The following PCDHGB2 variants were observed in gnomAD, a reference collection of about 807,000 sequenced individuals.
The protein encoded by PCDHGB2 is protocadherin gamma subfamily B, 2.
In PCDHGB2, 55 loss-of-function variants were observed where a neutral mutation model predicts 59.3. The observed-to-expected ratio is 0.93, with a 90% CI of 0.75 to 1.16. PCDHGB2 has a LOEUF of 1.16. Ranked by LOEUF, PCDHGB2 falls within the 50% of genes most tolerant of loss-of-function variation. The pLI is 0.00. For synonymous variants in PCDHGB2, 516 were observed against 512.0 expected (o/e 1.01, Z -0.11); for missense variants, 1,228 against 1,198.5 (o/e 1.02, Z -0.36).
In PCDHGB2 at chr5:141,473,538, T is replaced by C. The variant is rs544537855; in HGVS notation, c.2422-21269T>C. Among the ~76,000 whole-genome samples, 58 of 152,328 alleles carry C rather than the reference T, an allele frequency of 3.8e-4. 1 individual carries two copies. Among genetic ancestry groups the C allele is most frequent in the African/African-American group, 1.3e-3 (55 of 41,576 alleles). Reference sequence around the variant, plus strand: ...AAGGATCCTGGTTTTAACTGGGGCCTAATGGAAGACCTCTATTAGGAAATA... The same window carrying C: ...AAGGATCCTGGTTTTAACTGGGGCCCAATGGAAGACCTCTATTAGGAAATA... On this transcript the variant is annotated intron_variant, in intron 1 of 3. Coordinates refer to ENST00000522605, the MANE Select transcript of PCDHGB2 (RefSeq NM_018923.3).
intron 1 of PCDHGB2, among the ~76,000 whole-genome samples, chr5:141,380,336 G>C (rs1221282125): frequency 6.6e-6 from 1 of 152,060 alleles, no homozygotes; most frequent in Non-Finnish European, 1.5e-5. Flanking sequence ...GAACTTCAAA[G>C]AACTGTTTTG....
chr5:141,447,329 G>A (rs1328071539), intron 1 of PCDHGB2, among the ~76,000 whole-genome samples: 6 of 151,732 alleles, frequency 4.0e-5, no homozygotes, highest in Admixed American at 1.3e-4. Context: ...TAGTAGAGAC[G>A]GGTTTCATCA....
chr5:141,392,101 C>G (rs1234202076), intron 1 of PCDHGB2: 1 of 152,130 alleles, frequency 6.6e-6, no homozygotes, highest in Non-Finnish European at 1.5e-5. Context: ...AATTTAAAAG[C>G]AACAACTCTA....
chr5:141,361,964 A>G lies in PCDHGB2; in HGVS notation c.1829A>G (p.Gln610Arg). 3.7e-6 allele frequency: 6 copies of G among 1,602,142 alleles called. No homozygotes were observed. Among genetic ancestry groups the G allele is most frequent in the Non-Finnish European group, 5.1e-6 (6 of 1,176,558 alleles). The change falls in exon 1 of 4, where the codon CAG becomes CGG. Residue 610 changes from glutamine (Q) to arginine (R), a missense_variant. Transcript: ENST00000522605. The stretch of plus-strand genomic sequence containing the variant: ...GCTTGGCTGTCCTACCACGTGCTGC[A>G]GGCCAGCGAGCCCGGGCTCTTCAGC... Reference protein sequence around the residue: ...HNAWLSYHVLQASEPGLFSLG... With the variant: ...HNAWLSYHVLRASEPGLFSLG...
At chr5:141,400,332 T>TC (rs772688780) in intron 1 of PCDHGB2, 6 of 1,613,994 alleles carry the variant, frequency 3.7e-6, no homozygotes, top group South Asian at 3.3e-5. Flanking sequence ...GACCTGTGGT[T>TC]CCCCCCAACT....
At chr5:141,419,797 A>G (rs371201079) in intron 1 of PCDHGB2, 14 of 1,613,920 alleles carry the variant, frequency 8.7e-6, no homozygotes, top group Non-Finnish European at 1.1e-5. Flanking sequence ...TAGTCGCTGT[A>G]AGAGATGGAG....
chr5:141,374,475 C>T (rs765909880), intron 1 of PCDHGB2: 4 of 1,612,136 alleles, frequency 2.5e-6, no homozygotes, highest in Admixed American at 1.7e-5. Context: ...GACAATACAC[C>T]CCGATTCTTA....
rs371690754 is a variant in PCDHGB2 at position 141,388,891 on chromosome 5, T to C, written c.2421+26335T>C. 1.9e-5 allele frequency: 31 copies of C among 1,613,872 alleles called. No individual in the cohort carries two copies. Among genetic ancestry groups the C allele is most frequent in the Middle Eastern group, 1.6e-4 (1 of 6,062 alleles). On this transcript the variant is annotated intron_variant, in intron 1 of 3. Coordinates refer to ENST00000522605, the MANE Select transcript of PCDHGB2 (RefSeq NM_018923.3). ...CAATGCACAGTGGAGGTAGAAGTCA[T>C]AGATGAAAATGACAACGCCCCAGAA... is the stretch of plus-strand genomic sequence containing the variant.
chr5:141,476,831 G>C lies in PCDHGB2; in HGVS notation c.2422-17976G>C, dbSNP rs779348525. ...TCACATCAAGGTGCTGGACGCGAAT[G>C]ACAATGCGCCTGTCTTCAACCAGTC... On this transcript the variant is annotated intron_variant, in intron 1 of 3. Transcript: ENST00000522605. This position sits in a 1 kb window ranked among gnomAD's most constrained non-coding sequence, Gnocchi z 7.6. 1 of 1,613,504 alleles carries C rather than the reference G, an allele frequency of 6.2e-7. No homozygotes were observed. Among genetic ancestry groups the C allele is most frequent in the Non-Finnish European group, 8.5e-7 (1 of 1,180,050 alleles).
Position 141,490,089 on chromosome 5 carries a change from C to G in PCDHGB2, c.2422-4718C>G. On this transcript the variant is annotated intron_variant, in intron 1 of 3. Transcript: ENST00000522605. This position sits in a 1 kb window ranked among gnomAD's most constrained non-coding sequence, Gnocchi z 5.4. ...GCCAACTAGACTATTCTTTTGGAGACCACACATCTGAGGCAGTGCGGAACC... is the reference window on the plus strand; with the variant it reads ...GCCAACTAGACTATTCTTTTGGAGAGCACACATCTGAGGCAGTGCGGAACC... 1 of 1,614,232 alleles carries G rather than the reference C, an allele frequency of 6.2e-7. No homozygotes were observed. The highest frequency in any genetic ancestry group is 8.5e-7 in the Non-Finnish European group (1 of 1,180,026).
intron 1 of PCDHGB2, chr5:141,410,620 G>T (rs765125633): frequency 6.2e-7 from 1 of 1,603,524 alleles, no homozygotes. Flanking sequence ...CTCTGACTTC[G>T]GTGAGTTTCT....
rs779391932 is a variant in PCDHGB2, at chr5:141,419,996, C to T, written c.2421+57440C>T. Reference sequence around the variant, plus strand: ...CCTCGCGGTGATTCTAGCTATTGCTCTACGCCTGCGACAGTCTTTCAGCCC... The same window carrying T: ...CCTCGCGGTGATTCTAGCTATTGCTTTACGCCTGCGACAGTCTTTCAGCCC... On this transcript the variant is annotated intron_variant, in intron 1 of 3. Coordinates refer to ENST00000522605, the MANE Select transcript of PCDHGB2 (RefSeq NM_018923.3). 10 of 1,613,966 alleles carry T rather than the reference C, an allele frequency of 6.2e-6. No homozygotes were observed. In the East Asian group the frequency reaches 2.2e-4, roughly 36 times the overall value.
At chr5:141,374,730 A>G (rs1770785005) in intron 1 of PCDHGB2, 1 of 1,610,644 alleles carries the variant, frequency 6.2e-7, no homozygotes, top group South Asian at 1.1e-5. Context: ...ACTGCCATGG[A>G]TGGCGGCGAC....
At chr5:141,364,382 A>G (rs745604333) in intron 1 of PCDHGB2, 3 of 1,582,176 alleles carry the variant, frequency 1.9e-6, no homozygotes, top group South Asian at 2.3e-5. Flanking sequence ...GCTGCCCTTC[A>G]TGCTCCTGGG....
intron 1 of PCDHGB2, chr5:141,411,852 C>G (rs992038456): frequency 1.3e-5 from 2 of 151,222 alleles, no homozygotes; most frequent in East Asian, 1.9e-4. Context: ...AGAGTGAGAC[C>G]CTGTCTCAAA....
chr5:141,428,310 G>A (rs2097132610), intron 1 of PCDHGB2: 1 of 671,630 alleles, frequency 1.5e-6, no homozygotes, highest in Admixed American at 2.2e-5. Context: ...ACCTGGTCGT[G>A]GCCTTGGCCT....
At position 141,502,866 on chromosome 5, in the gene PCDHGB2, C is replaced by CTTTTTTTTTTT. The variant is rs549047197; in HGVS notation, c.2481-2523_2481-2513dup. Among the ~76,000 whole-genome samples the CTTTTTTTTTTT allele has an allele frequency of 4.4e-4, 56 of 128,014 alleles. 1 individual carries two copies. The highest frequency in any genetic ancestry group is 5.1e-4 in the Non-Finnish European group (32 of 62,412). The allele number at this position is 128,014 out of a possible 152,430, so 84.0% of individuals were successfully genotyped here. ...GAGCTGCCTAACCCTGACTCTCTGTCTTTTTTTTTTTTTTGACAGGGAGTC... is the reference window on the plus strand; with the variant it reads ...GAGCTGCCTAACCCTGACTCTCTGTCTTTTTTTTTTTTTTTTTTTTTTTTTGACAGGGAGTC... On this transcript the variant is annotated intron_variant, in intron 2 of 3. Coordinates refer to ENST00000522605, the MANE Select transcript of PCDHGB2 (RefSeq NM_018923.3).
At chr5:141,372,031 T>G in intron 1 of PCDHGB2, 3 of 1,613,434 alleles carry the variant, frequency 1.9e-6, no homozygotes, top group Non-Finnish European at 2.5e-6. Context: ...AGCGCCAACG[T>G]GAGCCTGCGC....
At position 141,486,481 on chromosome 5, in the gene PCDHGB2, T is replaced by C. The variant is rs1562112794; in HGVS notation, c.2422-8326T>C. 1 of 1,614,036 alleles carries C rather than the reference T, an allele frequency of 6.2e-7. No individual in the cohort carries two copies. The highest frequency in any genetic ancestry group is 8.5e-7 in the Non-Finnish European group (1 of 1,179,976). Reference sequence around the variant, plus strand: ...CTGATGCTGGGAACCCTCCTCTCAGTACCCACAGAACTATTTTCCTCAATA... The same window carrying C: ...CTGATGCTGGGAACCCTCCTCTCAGCACCCACAGAACTATTTTCCTCAATA... On this transcript the variant is annotated intron_variant, in intron 1 of 3. Coordinates refer to ENST00000522605, the MANE Select transcript of PCDHGB2 (RefSeq NM_018923.3). This position sits in a 1 kb window ranked among gnomAD's most constrained non-coding sequence, Gnocchi z 5.0.
Sources: gnomAD v4.1 joint callset for allele counts (sites outside exome capture counted in the v4.1 genomes callset) on GRCh38, gnomAD v4.1.1 for gene constraint, Gnocchi (gnomAD v3.1) non-coding constraint, MANE v1.5 for transcripts, NCBI Gene and HGNC (gene_info 2026-07-23, HGNC 2026-07-21) for gene names.